Variants in DAPK1 observed in about 807,000 individuals in gnomAD.
The protein encoded by DAPK1 is death associated protein kinase 1.
DAPK1 carries 56 observed loss-of-function variants against 144.9 expected under a neutral mutation model. The observed-to-expected ratio is 0.39, with a 90% CI of 0.31 to 0.48. The LOEUF is 0.48. Among genes scored for constraint, DAPK1 ranks in the 20% least tolerant of loss-of-function variants. DAPK1 has a pLI of 0.95. For synonymous variants in DAPK1, 690 were observed against 749.0 expected, an observed-to-expected ratio of 0.92 and a Z score of 1.29; for missense variants, 1,454 against 1,875.4, an observed-to-expected ratio of 0.78 and a Z score of 4.15.
chr9:87,655,052 A>G (rs1237290447), intron 17 of DAPK1, among the ~76,000 whole-genome samples: 7 of 152,230 alleles, frequency 4.6e-5, no homozygotes, highest in Admixed American at 3.3e-4. Flanking sequence ...AACTTGTGTA[A>G]TCACTGTCTG....
At chr9:87,641,462 C>T (rs1275819237) in intron 9 of DAPK1, among the ~76,000 whole-genome samples, 2 of 152,148 alleles carry the variant, frequency 1.3e-5, no homozygotes, top group African/African-American at 4.8e-5. Flanking sequence ...AATAGCTTTG[C>T]TGTGCAAGTT....
chr9:87,549,141 C>T (rs1175249973), intron 2 of DAPK1, among the ~76,000 whole-genome samples: 1 of 151,970 alleles, frequency 6.6e-6, no homozygotes, highest in Non-Finnish European at 1.5e-5. Context: ...CTCCCTGTGT[C>T]CGTGTGTTCT....
intron 19 of DAPK1, among the ~76,000 whole-genome samples, chr9:87,674,498 G>A (rs1824289733): frequency 8.6e-6 from 1 of 116,662 alleles, no homozygotes; most frequent in South Asian, 3.1e-4. Flanking sequence ...CTGGGTGACA[G>A]AGTAAGACTC....
chr9:87,571,476 A>ACCCCAACAC (rs771023885), intron 2 of DAPK1, among the ~76,000 whole-genome samples: 1 of 48,548 alleles, frequency 2.1e-5, no homozygotes, highest in Non-Finnish European at 3.7e-5. Context: ...CACACACACC[A>ACCCCAACAC]ACACACACAC....
intron 22 of DAPK1, among the ~76,000 whole-genome samples, chr9:87,697,507 T>C (rs2118028113): frequency 6.6e-6 from 1 of 152,302 alleles, no homozygotes; most frequent in African/African-American, 2.4e-5. Flanking sequence ...TTGAGAGGCA[T>C]TTCTCACTTT....
In DAPK1 at chr9:87,668,641, G is replaced by A; in HGVS notation, c.1968G>A (p.Glu656=). The change falls in exon 19 of 26, where the codon GAG becomes GAA. Residue 656 remains glutamate, a synonymous_variant. Coordinates refer to ENST00000408954, the MANE Select transcript of DAPK1 (RefSeq NM_004938.4). The stretch of plus-strand genomic sequence containing the variant: ...ATCTTGCTAGATCGGAACAGCACGA[G>A]CACGTAGCAGGTCTCCTTGCAAGAC... ...AEDLARSEQH[E]HVAGLLARLR... is the part of the protein sequence containing the mutation. 6.8e-7 allele frequency: 1 copy of A among 1,469,848 alleles called. No homozygotes were observed. The highest frequency in any genetic ancestry group is 9.5e-7 in the Non-Finnish European group (1 of 1,048,178). The allele number at this position is 1,469,848 out of a possible 1,614,324, so 91.1% of individuals were successfully genotyped here.
chr9:87,664,728 C>G (rs566378979), intron 18 of DAPK1, among the ~76,000 whole-genome samples: 1 of 152,244 alleles, frequency 6.6e-6, no homozygotes, highest in Non-Finnish European at 1.5e-5. Context: ...CTGGTCCCCA[C>G]GCAGCCGCCT....
chr9:87,507,482 G>A (rs552491851), intron 2 of DAPK1, among the ~76,000 whole-genome samples: 34 of 152,310 alleles, frequency 2.2e-4, no homozygotes, highest in Admixed American at 8.5e-4. Flanking sequence ...TGGGATTACA[G>A]GCATGAGCCA....
intron 2 of DAPK1, among the ~76,000 whole-genome samples, chr9:87,517,451 C>T: frequency 6.6e-6 from 1 of 152,162 alleles, no homozygotes; most frequent in South Asian, 2.1e-4. Context: ...CCCCACCTCT[C>T]TCTCTGTGTG....
intron 19 of DAPK1, among the ~76,000 whole-genome samples, chr9:87,670,961 C>T (rs1486642688): frequency 6.6e-6 from 1 of 152,194 alleles, no homozygotes; most frequent in Non-Finnish European, 1.5e-5. Flanking sequence ...TTAAAAGTAG[C>T]TTACTGTGCG....
chr9:87,640,371 G>A lies in DAPK1; in HGVS notation c.703G>A (p.Glu235Lys), dbSNP rs548113187. 34 of 1,614,204 alleles carry A rather than the reference G, an allele frequency of 2.1e-5. No homozygotes were observed. The highest frequency in any genetic ancestry group is 4.5e-5 in the East Asian group (2 of 44,888). Residue 235 changes from glutamate (E) to lysine (K), a missense_variant, in exon 8 of 26, where the codon GAA becomes AAA. Around this residue, in one of 2 missense-constraint regions of DAPK1, gnomAD observed 429 missense variants for 637.5 expected, o/e 0.67. Transcript: ENST00000408954. ...AGCAAATGTATCCGCTGTCAACTAC[G>A]AATTTGAGGATGAATACTTCAGTAA... Reference protein sequence around the residue: ...TLANVSAVNYEFEDEYFSNTS... With the variant: ...TLANVSAVNYKFEDEYFSNTS...
intron 2 of DAPK1, among the ~76,000 whole-genome samples, chr9:87,571,702 A>G (rs1047020572): frequency 1.3e-5 from 2 of 152,168 alleles, no homozygotes; most frequent in African/African-American, 2.4e-5. Flanking sequence ...GCGTTTGCAC[A>G]CTTTCCTTAA....
In DAPK1 at chr9:87,509,649, C is replaced by T. The variant is rs111875964; in HGVS notation, c.62+10510C>T. Among the ~76,000 whole-genome samples, 588 of 152,286 alleles carry T rather than the reference C, an allele frequency of 3.9e-3. 5 individuals carry two copies. The highest frequency in any genetic ancestry group is 4.7e-3 in the Non-Finnish European group (323 of 68,024). On this transcript the variant is annotated intron_variant, in intron 2 of 25. Transcript: ENST00000408954. Reference sequence around the variant, plus strand: ...TGCTGGGATTACAGGCGTGAGCCACCGCGCCCGGCCATCCTGCCAGCGTTT... The same window carrying T: ...TGCTGGGATTACAGGCGTGAGCCACTGCGCCCGGCCATCCTGCCAGCGTTT...
chr9:87,667,204 C>T (rs1486910458), intron 18 of DAPK1, among the ~76,000 whole-genome samples: 1 of 152,168 alleles, frequency 6.6e-6, no homozygotes, highest in Non-Finnish European at 1.5e-5. Context: ...GCACCTAATT[C>T]ACCCCCAAAG....
intron 11 of DAPK1, 135 bp from the exon 12 acceptor site, chr9:87,645,760 A>G: frequency 5.3e-6 from 6 of 1,121,554 alleles, no homozygotes; most frequent in Admixed American, 2.4e-5. Flanking sequence ...CCATGACTGT[A>G]TGGATTTGGG....
chr9:87,677,685 T>C (rs1257934614), intron 19 of DAPK1, among the ~76,000 whole-genome samples: 1 of 152,112 alleles, frequency 6.6e-6, no homozygotes, highest in Non-Finnish European at 1.5e-5. Flanking sequence ...GTTCAGGGAA[T>C]AGATGGGGAA....
Position 87,649,924 on chromosome 9 carries a change from G to C in DAPK1, c.1432G>C (p.Glu478Gln). The change falls in exon 16 of 26, where the codon GAA becomes CAA. Residue 478 changes from glutamate to glutamine, a missense_variant. Transcript: ENST00000408954. The part of the protein sequence containing the change: ...GSNPNIQDKE[E>Q]ETPLHCAAWH... ...CTGTACTCGTCTCCTTGGCCAGGAA[G>C]AAGAAACCCCCCTGCACTGTGCTGC... 2 of 1,614,166 alleles carry C rather than the reference G, an allele frequency of 1.2e-6. No individual in the cohort carries two copies. The highest frequency in any genetic ancestry group is 1.7e-4 in the Middle Eastern group (1 of 6,060).
chr9:87,558,258 G>C (rs1826788795), intron 2 of DAPK1, among the ~76,000 whole-genome samples: 1 of 152,102 alleles, frequency 6.6e-6, no homozygotes, highest in African/African-American at 2.4e-5. Flanking sequence ...ATCTTGGCCT[G>C]TCAGCACCTC....
chr9:87,700,371 G>A (rs7044579), intron 24 of DAPK1, 134 bp downstream of exon 24: 136,695 of 655,876 alleles, frequency 0.21, 17,119 homozygotes, highest in East Asian at 0.47. Flanking sequence ...TAGTGCCCTG[G>A]GAAAAGAAAG....
Sources: gnomAD v4.1 joint callset for allele counts (sites outside exome capture counted in the v4.1 genomes callset) on GRCh38, gnomAD v4.1.1 for gene constraint, gnomAD v4.1.1 regional missense constraint, MANE v1.5 for transcripts, NCBI Gene and HGNC (gene_info 2026-07-23, HGNC 2026-07-21) for gene names.